Variants in RAB44 observed in about 807,000 individuals in gnomAD.
The protein encoded by RAB44 is ras-related protein Rab-44.
In RAB44, 67 loss-of-function variants were observed where a neutral mutation model predicts 93.3. That is an observed-to-expected ratio of 0.72 (90% CI 0.59 to 0.88). The LOEUF is 0.88. Among genes scored for constraint, RAB44 ranks in the 40% least tolerant of loss-of-function variants. The pLI is 0.00. For missense variants in RAB44, 1,064 were observed against 1,261.7 expected (o/e 0.84, Z 2.37); for synonymous variants, 427 against 520.3 (o/e 0.82, Z 2.44).
intron 8 of RAB44, among the ~76,000 whole-genome samples, chr6:36,720,804 TACACACATACAC>T (rs935916551): frequency 3.3e-5 from 5 of 152,148 alleles, no homozygotes; most frequent in South Asian, 2.1e-4. Context: ...CATGTACGTG[TACACACATACAC>T]ACACACATAC....
chr6:36,721,183 C>G lies in RAB44; in HGVS notation c.1049C>G (p.Pro350Arg). 9.0e-7 allele frequency: 1 copy of G among 1,108,366 alleles called. No individual in the cohort carries two copies. Among genetic ancestry groups the G allele is most frequent in the Non-Finnish European group, 1.1e-6 (1 of 910,248 alleles). The allele number at this position is 1,108,366 out of a possible 1,614,324, so 68.7% of individuals were successfully genotyped here. The change falls in exon 9 of 14, where the codon CCT becomes CGT. Residue 350 changes from proline (P) to arginine (R), a missense_variant. Physicochemically the swap from Pro to Arg is moderately radical, Grantham distance 103. Coordinates refer to ENST00000612677, the MANE Select transcript of RAB44 (RefSeq NM_001257357.2). ...GGAGCGGGTGAGAAGACCCCAGACCCTCAGGCTGCCTCCCCTGAGGAGGCC... is the reference window on the plus strand; with the variant it reads ...GGAGCGGGTGAGAAGACCCCAGACCGTCAGGCTGCCTCCCCTGAGGAGGCC... ...FPGAGEKTPDPQAASPEEAPL... is the reference protein window; with the variant it reads ...FPGAGEKTPDRQAASPEEAPL...
chr6:36,728,963 A>C (rs1419329402), intron 12 of RAB44, among the ~76,000 whole-genome samples, 162 bp downstream of exon 12: 1 of 152,160 alleles, frequency 6.6e-6, no homozygotes, highest in Non-Finnish European at 1.5e-5. Context: ...ACAGCAGCCT[A>C]GCCACCTCTG....
chr6:36,730,567 G>T, intron 12 of RAB44, 106 bp from the exon 13 acceptor site: 1 of 600,954 alleles, frequency 1.7e-6, no homozygotes, highest in South Asian at 8.5e-5. Flanking sequence ...GGTCAGCTTA[G>T]GGATGCATTG....
At chr6:36,701,518 T>C (rs1367170725) in intron 1 of RAB44, among the ~76,000 whole-genome samples, 1 of 152,100 alleles carries the variant, frequency 6.6e-6, no homozygotes, top group African/African-American at 2.4e-5. Flanking sequence ...CTAAGCAAGG[T>C]TGGGCACTAT....
At chr6:36,724,151 A>ATTTC (rs776191199) in intron 9 of RAB44, among the ~76,000 whole-genome samples, 2 of 117,114 alleles carry the variant, frequency 1.7e-5, no homozygotes, top group Non-Finnish European at 3.7e-5. Context: ...TTATTTATTT[A>ATTTC]TTTATTTATT....
chr6:36,717,234 G>A lies in RAB44; in HGVS notation c.495-39G>A. The stretch of plus-strand genomic sequence containing the variant: ...CCCTTGCTTCTCCATCCCACCTTGT[G>A]TCTGACCCTCCCATCTCTGGCTGTC... On this transcript the variant is annotated intron_variant, in intron 4 of 13. Transcript: ENST00000612677. This position sits in a 1 kb window ranked among gnomAD's most constrained non-coding sequence, Gnocchi z 4.1. 8.1e-7 allele frequency: 1 copy of A among 1,232,024 alleles called. No individual in the cohort carries two copies. Among genetic ancestry groups the A allele is most frequent in the Non-Finnish European group, 1.0e-6 (1 of 987,922 alleles). 76.3% of individuals were successfully genotyped at this position (1,232,024 alleles called of 1,614,324 possible).
At chr6:36,728,873 G>A in intron 12 of RAB44, 72 bp downstream of exon 12, 1 of 1,242,676 alleles carries the variant, frequency 8.0e-7, no homozygotes, top group Non-Finnish European at 1.2e-6. Flanking sequence ...TGGTGGATAG[G>A]CATCACCTGA....
chr6:36,705,709 A>C (rs1191364681), intron 2 of RAB44, among the ~76,000 whole-genome samples: 1 of 152,070 alleles, frequency 6.6e-6, no homozygotes, highest in Non-Finnish European at 1.5e-5. Flanking sequence ...ATCATAGATA[A>C]TCTCCAAAAT....
At position 36,722,534 on chromosome 6, in the gene RAB44, G is replaced by C. The variant is rs1173591379; in HGVS notation, c.2400G>C (p.Arg800Ser). The change falls in exon 9 of 14, where the codon AGG becomes AGC. Residue 800 changes from arginine to serine, a missense_variant. By Grantham distance (110) the Arg-to-Ser change is moderately radical (BLOSUM62 -1). Transcript: ENST00000612677. Reference sequence around the variant, plus strand: ...CCAGGGAACCAAGGGCAGAGAGCAGGCTTGAAGATCCAGGAATGGACTCCA... The same window carrying C: ...CCAGGGAACCAAGGGCAGAGAGCAGCCTTGAAGATCCAGGAATGGACTCCA... The part of the protein sequence containing the change: ...PHSREPRAES[R>S]LEDPGMDSRE... 6.5e-7 allele frequency: 1 copy of C among 1,538,988 alleles called. No homozygotes were observed. The highest frequency in any genetic ancestry group is 8.8e-7 in the Non-Finnish European group (1 of 1,140,588).
At chr6:36,720,288 C>G in intron 7 of RAB44, 75 bp from the exon 8 acceptor site, 1 of 1,184,820 alleles carries the variant, frequency 8.4e-7, no homozygotes. Context: ...GTCTGTGTCC[C>G]ACAATGGCCT....
Position 36,717,559 on chromosome 6 carries a change from T to C in RAB44, c.641+140T>C. On this transcript the variant is annotated intron_variant, in intron 5 of 13. Transcript: ENST00000612677. The surrounding 1 kb of genome is among the most constrained non-coding windows in gnomAD (Gnocchi z 4.1). The stretch of plus-strand genomic sequence containing the variant: ...GGCAGAGCTGCGCTGGAGGAAGAGG[T>C]GGCTCAGGGGACCGGGTGGGGAGGA... 9 of 994,170 alleles carry C rather than the reference T, an allele frequency of 9.1e-6. No individual in the cohort carries two copies. Among genetic ancestry groups the C allele is most frequent in the Non-Finnish European group, 1.2e-5 (9 of 772,228 alleles). The allele number at this position is 994,170 out of a possible 1,614,324, so 61.6% of individuals were successfully genotyped here.
intron 2 of RAB44, 54 bp from the exon 3 acceptor site, chr6:36,713,774 G>T: frequency 9.0e-7 from 1 of 1,114,952 alleles, no homozygotes; most frequent in South Asian, 1.3e-5. Context: ...CCGTTTTGGA[G>T]GGTGAGAGCC....
At chr6:36,700,268 A>G (rs533916494) in intron 1 of RAB44, among the ~76,000 whole-genome samples, 1 of 152,248 alleles carries the variant, frequency 6.6e-6, no homozygotes, top group Non-Finnish European at 1.5e-5. Context: ...TGACTTCCCT[A>G]AGGTTGCACA....
At chr6:36,722,766 G>A (rs1291100882) in intron 9 of RAB44, 33 bp downstream of exon 9, 25 of 1,549,508 alleles carry the variant, frequency 1.6e-5, no homozygotes, top group Non-Finnish European at 1.7e-5. Flanking sequence ...CAGGGAGCAA[G>A]GAGAGACGCA....
rs1191216837 is a variant in RAB44, at chr6:36,721,684, G to C, written c.1550G>C (p.Gly517Ala). Residue 517 changes from glycine to alanine, a missense_variant, in exon 9 of 14, where the codon GGG becomes GCG. By Grantham distance (60) the Gly-to-Ala change is moderately conservative. Coordinates refer to ENST00000612677, the MANE Select transcript of RAB44 (RefSeq NM_001257357.2). ...ANSPPPQAPA[G>A]SSKQIQASDP... ...TCTCCCCCTCCCCAGGCCCCAGCTG[G>C]GTCCAGCAAACAGATCCAGGCCTCA... The C allele has an allele frequency of 2.4e-6, 3 of 1,234,324 alleles. No homozygotes were observed. The highest frequency in any genetic ancestry group is 3.0e-6 in the Non-Finnish European group (3 of 988,262). The allele number at this position is 1,234,324 out of a possible 1,614,324, so 76.5% of individuals were successfully genotyped here.
rs566586435 is a variant in RAB44 at position 36,718,366 on chromosome 6, A to G, written c.733-127A>G. On this transcript the variant is annotated intron_variant, in intron 6 of 13. Coordinates refer to ENST00000612677, the MANE Select transcript of RAB44 (RefSeq NM_001257357.2). ...CTGGAACTGGAGGAGTTGTCCTGAG[A>G]ACCCTCCCTGCTGGGGCATCCTGGC... The G allele has an allele frequency of 2.1e-5, 10 of 477,930 alleles. 1 individual carries two copies. The highest frequency in any genetic ancestry group is 1.6e-4 in the African/African-American group (8 of 50,544). The allele number at this position is 477,930 out of a possible 1,614,324, so 29.6% of individuals were successfully genotyped here.
chr6:36,727,548 G>A (rs772635181), intron 10 of RAB44, 29 bp from the exon 11 acceptor site: 3 of 1,498,542 alleles, frequency 2.0e-6, no homozygotes, highest in Non-Finnish European at 9.1e-7. Flanking sequence ...TGGATGCCTG[G>A]TGTGGCCTCA....
intron 8 of RAB44, 92 bp downstream of exon 8, chr6:36,720,642 C>G (rs1763050836): frequency 2.1e-6 from 2 of 941,586 alleles, no homozygotes; most frequent in Admixed American, 4.3e-5. Context: ...CTAGCTAGCA[C>G]ACAGTGCACA....
chr6:36,724,386 A>T (rs1478545876), intron 9 of RAB44, among the ~76,000 whole-genome samples: 1 of 151,684 alleles, frequency 6.6e-6, no homozygotes, highest in Admixed American at 6.6e-5. Context: ...CAGGCTGGTG[A>T]CCTCAGGTGA....
Sources: gnomAD v4.1 joint callset for allele counts (sites outside exome capture counted in the v4.1 genomes callset) on GRCh38, gnomAD v4.1.1 for gene constraint, Gnocchi (gnomAD v3.1) non-coding constraint, MANE v1.5 for transcripts, NCBI Gene and HGNC (gene_info 2026-07-23, HGNC 2026-07-21) for gene names.